The following LRP1B variants were observed in gnomAD, a reference collection of about 807,000 sequenced individuals.
The protein encoded by LRP1B is LDL receptor related protein 1B.
In LRP1B, 217 loss-of-function variants were observed where a neutral mutation model predicts 556.6. That is an observed-to-expected ratio of 0.39 (90% confidence interval 0.35 to 0.44). The LOEUF (loss-of-function observed/expected upper bound fraction) is 0.44. Among genes scored for constraint, LRP1B ranks in the 20% least tolerant of loss-of-function variants. LRP1B has a pLI of 1.00. For missense variants in LRP1B, 5,053 were observed against 5,620.8 expected (o/e 0.90, Z 3.23); for synonymous variants, 2,047 against 1,865.8 (o/e 1.10, Z -2.50).
intron 2 of LRP1B, among the ~76,000 whole-genome samples, chr2:141,704,561 G>A (rs919358120): frequency 6.6e-6 from 1 of 151,856 alleles, no homozygotes; most frequent in East Asian, 1.9e-4. Flanking sequence ...TGCTCCCCCA[G>A]TGCAGCCCCA....
At chr2:140,961,741 A>G (rs1427484073) in intron 18 of LRP1B, among the ~76,000 whole-genome samples, 1 of 152,114 alleles carries the variant, frequency 6.6e-6, no homozygotes, top group Non-Finnish European at 1.5e-5. Context: ...GCTGTGTAGT[A>G]CATTTCTTTA....
At chr2:140,514,795 A>G (rs752122185) in intron 50 of LRP1B, 23 bp from the exon 51 acceptor site, 4 of 1,598,122 alleles carry the variant, frequency 2.5e-6, no homozygotes, top group Admixed American at 1.7e-5. Context: ...CAAAAGGAAA[A>G]AAAAAAATAG....
At chr2:141,935,671 A>C (rs1235863662) in intron 1 of LRP1B, among the ~76,000 whole-genome samples, 1 of 152,214 alleles carries the variant, frequency 6.6e-6, no homozygotes, top group Non-Finnish European at 1.5e-5. Flanking sequence ...TTAAGAAAAC[A>C]TCTAGCTGCT....
chr2:141,017,860 G>A (rs140065573), intron 12 of LRP1B, among the ~76,000 whole-genome samples: 2,420 of 151,872 alleles, frequency 0.016, 74 homozygotes, highest in African/African-American at 0.055. Context: ...AGCCAGGCAC[G>A]GTGGCCTGTG....
At chr2:141,967,482 C>T (rs912459074) in intron 1 of LRP1B, among the ~76,000 whole-genome samples, 1 of 151,708 alleles carries the variant, frequency 6.6e-6, no homozygotes, top group African/African-American at 2.4e-5. Flanking sequence ...AAAATCTCAC[C>T]GTATTTCTTA....
rs112366768 is a variant in LRP1B, at chr2:141,511,614, C to T, written c.206-31081G>A. ...TCGAAATTTAAATGATGAATTTTCA[C>T]TGCCAGAATAAGTTACAGCTTTTAT... On this transcript the variant is annotated intron_variant, in intron 2 of 90. Coordinates refer to ENST00000389484, the MANE Select transcript of LRP1B (RefSeq NM_018557.3). Among the ~76,000 whole-genome samples, 871 of 152,292 alleles carry T rather than the reference C, an allele frequency of 5.7e-3. 15 individuals carry two copies. Among genetic ancestry groups the T allele is most frequent in the African/African-American group, 0.02 (834 of 41,574 alleles).
intron 1 of LRP1B, among the ~76,000 whole-genome samples, chr2:141,894,371 C>T (rs564737562): frequency 7.3e-4 from 111 of 151,804 alleles, no homozygotes; most frequent in Non-Finnish European, 1.5e-3. Context: ...CCTGCCCTAC[C>T]CCCTCCCTCC....
intron 2 of LRP1B, among the ~76,000 whole-genome samples, chr2:141,642,609 G>A (rs551291563): frequency 6.6e-6 from 1 of 152,164 alleles, no homozygotes; most frequent in East Asian, 1.9e-4. Context: ...TCCTGGGAAA[G>A]CTATTTATTA....
chr2:140,916,505 C>T (rs552141047), intron 21 of LRP1B, among the ~76,000 whole-genome samples: 14 of 152,274 alleles, frequency 9.2e-5, no homozygotes, highest in African/African-American at 3.4e-4. Context: ...CACATGTGTG[C>T]CAGTCAGTTC....
At chr2:140,969,292 C>T (rs1377657343) in intron 18 of LRP1B, among the ~76,000 whole-genome samples, 2 of 151,668 alleles carry the variant, frequency 1.3e-5, no homozygotes, top group East Asian at 1.9e-4. Context: ...TAATGGCCTT[C>T]GTCTCTTTTG....
At chr2:141,694,841 C>T (rs1306847891) in intron 2 of LRP1B, among the ~76,000 whole-genome samples, 2 of 151,914 alleles carry the variant, frequency 1.3e-5, no homozygotes, top group African/African-American at 4.8e-5. Flanking sequence ...GATTACATTC[C>T]ATTTCTGTCT....
intron 7 of LRP1B, among the ~76,000 whole-genome samples, chr2:141,126,049 T>C (rs1004561963): frequency 6.6e-6 from 1 of 151,642 alleles, no homozygotes; most frequent in Non-Finnish European, 1.5e-5. Context: ...TTTTTTTTTT[T>C]TGAGGCAGAG....
chr2:140,304,681 T>C (rs184176628), intron 83 of LRP1B, among the ~76,000 whole-genome samples: 11 of 152,306 alleles, frequency 7.2e-5, no homozygotes, highest in African/African-American at 2.6e-4. Context: ...TTGTCAATTC[T>C]GGCTTTTGTT....
chr2:141,308,068 C>T (rs1271255677), intron 3 of LRP1B, among the ~76,000 whole-genome samples: 2 of 152,072 alleles, frequency 1.3e-5, no homozygotes, highest in Non-Finnish European at 2.9e-5. Context: ...TGCTTATGTG[C>T]CAACACTGGT....
chr2:140,531,553 A>C (rs925595227), intron 47 of LRP1B, among the ~76,000 whole-genome samples: 3 of 152,160 alleles, frequency 2.0e-5, no homozygotes, highest in Non-Finnish European at 4.4e-5. Flanking sequence ...AACATTCCAT[A>C]CAGCTATGAA....
chr2:140,786,077 C>A (rs1270802149), intron 32 of LRP1B, among the ~76,000 whole-genome samples: 1 of 152,186 alleles, frequency 6.6e-6, no homozygotes, highest in East Asian at 1.9e-4. Context: ...CAAATGTGAG[C>A]ATGTCCCTCT....
chr2:141,852,826 A>G (rs1040794938), intron 1 of LRP1B, among the ~76,000 whole-genome samples: 1 of 151,742 alleles, frequency 6.6e-6, no homozygotes, highest in Non-Finnish European at 1.5e-5. Flanking sequence ...TAAAAATGCC[A>G]AAAGAAAACC....
At chr2:141,073,095 A>C (rs1699690115) in intron 7 of LRP1B, among the ~76,000 whole-genome samples, 1 of 152,028 alleles carries the variant, frequency 6.6e-6, no homozygotes, top group Admixed American at 6.6e-5. Flanking sequence ...CTTAACCTTA[A>C]ACCACCTTCC....
At chr2:141,471,282 T>TTTGTTTTTG (rs1553518999) in intron 3 of LRP1B, among the ~76,000 whole-genome samples, 61,079 of 113,426 alleles carry the variant, frequency 0.54, 13,642 homozygotes, top group Non-Finnish European at 0.61. Flanking sequence ...TTTTTTTTTT[T>TTTGTTTTTG]TTTTTTTTTT....
Sources: allele counts gnomAD v4.1 joint callset (sites outside exome capture counted in the v4.1 genomes callset), GRCh38; gene constraint gnomAD v4.1.1; transcripts MANE v1.5; gene names NCBI Gene and HGNC (gene_info 2026-07-23, HGNC 2026-07-21).